The following PLS3 variants were observed in gnomAD, a reference collection of about 807,000 sequenced individuals.
PLS3 encodes plastin 3, also known as plastin-3.
PLS3 carries 11 observed loss-of-function variants against 46.5 expected under a neutral mutation model. The ratio of observed to expected loss-of-function variants is 0.24; its 90% CI spans 0.15 to 0.39. The LOEUF (loss-of-function observed/expected upper bound fraction) is 0.39. Among genes scored for constraint, PLS3 ranks in the 10% least tolerant of loss-of-function variants. The probability of loss-of-function intolerance (pLI) is 1.00; values close to 1 mark genes in which losing one functional copy is unlikely to be tolerated. For missense variants in PLS3, 308 were observed against 461.8 expected (o/e 0.67, Z 3.05); for synonymous variants, 167 against 162.2 (o/e 1.03, Z -0.22).
At chrX:115,585,390 TTTTG>T (rs1360370128) in intron 1 of PLS3, among the ~76,000 whole-genome samples, 2 of 111,486 alleles carry the variant, frequency 1.8e-5, no homozygotes, top group East Asian at 2.8e-4. Context: ...AAGTCTTTTT[TTTTG>T]TTTGTTTGTT....
chrX:115,581,275 A>G (rs1162804427), intron 1 of PLS3, among the ~76,000 whole-genome samples: 1 of 111,773 alleles, frequency 8.9e-6, no homozygotes, highest in Non-Finnish European at 1.9e-5. Flanking sequence ...TCATCTCCCC[A>G]TATAGCAAAA....
At chrX:115,598,313 A>G (rs1454934339) in intron 1 of PLS3, among the ~76,000 whole-genome samples, 2 of 108,974 alleles carry the variant, frequency 1.8e-5, no homozygotes, top group East Asian at 5.7e-4. Context: ...AAAAAAGAAG[A>G]AGGAGAAGAA....
At chrX:115,586,274 T>C (rs1413645120) in intron 1 of PLS3, among the ~76,000 whole-genome samples, 3 of 106,934 alleles carry the variant, frequency 2.8e-5, no homozygotes, top group African/African-American at 6.7e-5. Context: ...CGTGAGCCAC[T>C]GCGCCCGGCC....
At chrX:115,639,310 G>C (rs1178786708) in intron 8 of PLS3, among the ~76,000 whole-genome samples, 1 of 111,920 alleles carries the variant, frequency 8.9e-6, no homozygotes, top group African/African-American at 3.2e-5. Flanking sequence ...TTTATGAATT[G>C]CTCTGAAATA....
intron 11 of PLS3, 101 bp from the exon 12 acceptor site, chrX:115,645,971 G>C (rs1485428820): frequency 2.0e-6 from 1 of 499,374 alleles, no homozygotes; most frequent in Non-Finnish European, 3.6e-6. Context: ...TATTATTTAT[G>C]GTTTTATATA....
At chrX:115,648,979 C>T (rs912147817) in intron 15 of PLS3, among the ~76,000 whole-genome samples, 2 of 111,172 alleles carry the variant, frequency 1.8e-5, no homozygotes, top group Non-Finnish European at 3.8e-5. Context: ...AGACTGTCTC[C>T]CCTCTCATGA....
At chrX:115,613,975 T>A (rs1363413751) in intron 2 of PLS3, among the ~76,000 whole-genome samples, 1 of 111,800 alleles carries the variant, frequency 8.9e-6, no homozygotes, top group Non-Finnish European at 1.9e-5. Context: ...TATTTTTTGT[T>A]TATTTATTTT....
chrX:115,621,881 C>A (rs181649793), intron 2 of PLS3, among the ~76,000 whole-genome samples: 2 of 111,867 alleles, frequency 1.8e-5, no homozygotes, highest in Admixed American at 9.5e-5. Flanking sequence ...CCTATACTTA[C>A]AGTAGAAATT....
At chrX:115,617,460 T>C (rs1377953015) in intron 2 of PLS3, among the ~76,000 whole-genome samples, 1 of 112,266 alleles carries the variant, frequency 8.9e-6, no homozygotes, top group African/African-American at 3.2e-5. Flanking sequence ...ATTTCTGTCA[T>C]TGTTGTTTAG....
chrX:115,631,569 CA>C (rs782014979), intron 5 of PLS3, among the ~76,000 whole-genome samples: 1 of 109,871 alleles, frequency 9.1e-6, no homozygotes, highest in Admixed American at 9.8e-5. Flanking sequence ...CCTGTCTCTA[CA>C]AAAAAATTAA....
chrX:115,570,894 CTTTTT>C (rs369920378), intron 1 of PLS3, among the ~76,000 whole-genome samples: 1 of 84,332 alleles, frequency 1.2e-5, no homozygotes, highest in Non-Finnish European at 2.2e-5. Flanking sequence ...TTAATTTATT[CTTTTT>C]TTTTTTTTTT....
intron 1 of PLS3, among the ~76,000 whole-genome samples, chrX:115,585,729 T>TA (rs1353136301): frequency 9.0e-6 from 1 of 111,297 alleles, no homozygotes; most frequent in Non-Finnish European, 1.9e-5. Context: ...ATACATAATG[T>TA]AAAATAGCAT....
rs112140311 is a variant in PLS3, at chrX:115,629,338, T to C, written c.367+11T>C. On this transcript the variant is annotated intron_variant, in intron 4 of 15. Transcript: ENST00000355899. ...AGCATTCTTACTCAGGTAATCATTT[T>C]ATATGCAATAGGTTAACACAATGTG... The C allele has an allele frequency of 4.3e-3, 5,177 of 1,191,073 alleles. 135 individuals carry two copies. The African/African-American group carries it at 0.074, about 17-fold the overall frequency.
chrX:115,601,235 T>C (rs1162491795), intron 1 of PLS3, among the ~76,000 whole-genome samples: 1 of 109,291 alleles, frequency 9.1e-6, no homozygotes, highest in Non-Finnish European at 1.9e-5. Flanking sequence ...CTTGAGAGTG[T>C]TGGGTTCAAG....
intron 1 of PLS3, among the ~76,000 whole-genome samples, chrX:115,570,096 C>T (rs1223866907): frequency 1.8e-5 from 2 of 110,476 alleles, no homozygotes; most frequent in African/African-American, 6.6e-5. Context: ...GCCACTGTGC[C>T]CGGCTAATTT....
chrX:115,623,958 G>C (rs112334830), intron 3 of PLS3, among the ~76,000 whole-genome samples: 1 of 112,163 alleles, frequency 8.9e-6, no homozygotes, highest in East Asian at 2.8e-4. Flanking sequence ...GGCCGGGCAC[G>C]GTGGCTCACG....
At chrX:115,640,201 T>A in intron 8 of PLS3, 2 of 849,255 alleles carry the variant, frequency 2.4e-6, no homozygotes, top group Non-Finnish European at 3.4e-6. Context: ...TGCGAAGTCA[T>A]GTCAAAATCC....
At chrX:115,582,719 C>G (rs1244802879) in intron 1 of PLS3, among the ~76,000 whole-genome samples, 2 of 112,389 alleles carry the variant, frequency 1.8e-5, no homozygotes, top group Non-Finnish European at 3.8e-5. Flanking sequence ...TAAACTCTCT[C>G]TGGAGATTTA....
At chrX:115,614,523 C>T (rs994161004) in intron 2 of PLS3, 17 of 750,760 alleles carry the variant, frequency 2.3e-5, no homozygotes, top group Non-Finnish European at 2.7e-5. Context: ...CTGCAGTGAG[C>T]TACCTCAAAA....
Sources: gnomAD v4.1 joint callset for allele counts (sites outside exome capture counted in the v4.1 genomes callset) on GRCh38, gnomAD v4.1.1 for gene constraint, MANE v1.5 for transcripts, NCBI Gene and HGNC (gene_info 2026-07-23, HGNC 2026-07-21) for gene names.